The following SLIT2 variants were observed in gnomAD, a reference collection of about 807,000 sequenced individuals.
The protein encoded by SLIT2 is slit guidance ligand 2.
In SLIT2, 41 loss-of-function variants were observed where a neutral mutation model predicts 185.7. The observed-to-expected ratio is 0.22, with a 90% CI of 0.17 to 0.29. The LOEUF is 0.29. Among genes scored for constraint, SLIT2 ranks in the 10% least tolerant of loss-of-function variants. SLIT2 has a pLI of 1.00. For missense variants in SLIT2, 1,571 were observed against 1,909.0 expected (o/e 0.82, Z 3.30); for synonymous variants, 693 against 680.2 (o/e 1.02, Z -0.29).
rs199668090 is a variant in SLIT2, at chr4:20,532,009, G to T, written c.1639G>T (p.Val547Leu). ...GCGTCTCAATAATAATGAATTTACC[G>T]TGTTGGAAGCCACAGGAATCTTTAA... ...ELRLNNNEFTVLEATGIFKKL... is the reference protein window; with the variant it reads ...ELRLNNNEFTLLEATGIFKKL... The change falls in exon 17 of 37, where the codon GTG becomes TTG. Residue 547 changes from valine to leucine, a missense_variant. Coordinates refer to ENST00000504154, the MANE Select transcript of SLIT2 (RefSeq NM_004787.4). 1 of 1,576,038 alleles carries T rather than the reference G, an allele frequency of 6.3e-7. No homozygotes were observed.
At chr4:20,349,505 A>G (rs1721696324) in intron 4 of SLIT2, among the ~76,000 whole-genome samples, 1 of 152,160 alleles carries the variant, frequency 6.6e-6, no homozygotes, top group South Asian at 2.1e-4. Flanking sequence ...TTATAAAGAT[A>G]TGATGCTATT....
chr4:20,310,261 A>G (rs903397249), intron 4 of SLIT2, among the ~76,000 whole-genome samples: 2 of 152,172 alleles, frequency 1.3e-5, no homozygotes, highest in Admixed American at 1.3e-4. Context: ...TGCCAACACT[A>G]GAGTTTATAT....
chr4:20,423,289 A>G (rs1728302949), intron 4 of SLIT2, among the ~76,000 whole-genome samples: 1 of 152,098 alleles, frequency 6.6e-6, no homozygotes, highest in Non-Finnish European at 1.5e-5. Context: ...GAGACTTAGG[A>G]CAATGGAAAG....
intron 34 of SLIT2, 54 bp from the exon 35 acceptor site, chr4:20,616,856 A>G (rs1729693867): frequency 6.6e-6 from 10 of 1,523,198 alleles, no homozygotes; most frequent in Non-Finnish European, 8.9e-6. Flanking sequence ...CTGAGTAGCA[A>G]ATGGCTCAGA....
chr4:20,476,676 A>G (rs1716142789), intron 5 of SLIT2, among the ~76,000 whole-genome samples: 1 of 152,154 alleles, frequency 6.6e-6, no homozygotes, highest in African/African-American at 2.4e-5. Flanking sequence ...TGAATTTGCT[A>G]TGGGTAGGAA....
intron 4 of SLIT2, among the ~76,000 whole-genome samples, chr4:20,351,849 G>T (rs1721907069): frequency 6.6e-6 from 1 of 152,168 alleles, no homozygotes; most frequent in Admixed American, 6.5e-5. Flanking sequence ...TGTCAGCAGA[G>T]GTCTATAAAT....
chr4:20,365,812 C>T (rs143690419), intron 4 of SLIT2, among the ~76,000 whole-genome samples: 15 of 152,246 alleles, frequency 9.9e-5, no homozygotes, highest in African/African-American at 3.4e-4. Flanking sequence ...GGAGGCTGTC[C>T]ACTTTCTCCA....
intron 4 of SLIT2, among the ~76,000 whole-genome samples, chr4:20,269,932 A>G (rs1288537345): frequency 1.3e-5 from 2 of 151,864 alleles, no homozygotes; most frequent in African/African-American, 2.4e-5. Context: ...ATAGGGAGAT[A>G]TTCCCCAGCT....
intron 4 of SLIT2, among the ~76,000 whole-genome samples, chr4:20,272,832 T>C (rs1435408542): frequency 6.8e-6 from 1 of 147,794 alleles, no homozygotes; most frequent in Non-Finnish European, 1.5e-5. Flanking sequence ...GAATGAAAAC[T>C]TTTTACTTCT....
At chr4:20,501,839 G>A (rs1323514252) in intron 9 of SLIT2, among the ~76,000 whole-genome samples, 1 of 152,048 alleles carries the variant, frequency 6.6e-6, no homozygotes, top group Non-Finnish European at 1.5e-5. Context: ...AAGAATAATT[G>A]AAGAGAAAGA....
intron 4 of SLIT2, among the ~76,000 whole-genome samples, chr4:20,459,325 A>G (rs1713439313): frequency 6.6e-6 from 1 of 152,204 alleles, no homozygotes; most frequent in Non-Finnish European, 1.5e-5. Context: ...ATAAAAACAT[A>G]CCCTGAAAGA....
chr4:20,282,648 G>GT (rs1343969901), intron 4 of SLIT2, among the ~76,000 whole-genome samples: 1 of 152,198 alleles, frequency 6.6e-6, no homozygotes, highest in African/African-American at 2.4e-5. Flanking sequence ...GGTGGCTACA[G>GT]TGTACACTTG....
chr4:20,304,691 A>G (rs66908985), intron 4 of SLIT2, among the ~76,000 whole-genome samples: 14,682 of 152,044 alleles, frequency 0.097, 869 homozygotes, highest in African/African-American at 0.17. Context: ...GAAAATGGAG[A>G]TGCAGAGCTT....
chr4:20,426,439 C>A lies in SLIT2; in HGVS notation c.396-41313C>A, dbSNP rs187069330. ...AGGTGGTAGGGGAAAAACAGTTTTG[C>A]AAAATAGTCATATTTCACTAGATTT... On this transcript the variant is annotated intron_variant, in intron 4 of 36. Coordinates refer to ENST00000504154, the MANE Select transcript of SLIT2 (RefSeq NM_004787.4). Among the ~76,000 whole-genome samples the A allele has an allele frequency of 4.0e-3, 606 of 152,198 alleles. 4 individuals are homozygous for A. Among genetic ancestry groups the A allele is most frequent in the African/African-American group, 0.014 (581 of 41,516 alleles).
At chr4:20,470,191 T>C (rs1714831038) in intron 5 of SLIT2, among the ~76,000 whole-genome samples, 1 of 152,158 alleles carries the variant, frequency 6.6e-6, no homozygotes, top group African/African-American at 2.4e-5. Context: ...ATTTGACTAA[T>C]CAAATGCTAA....
intron 4 of SLIT2, among the ~76,000 whole-genome samples, chr4:20,293,661 G>A (rs1716187044): frequency 6.6e-6 from 1 of 152,178 alleles, no homozygotes; most frequent in Non-Finnish European, 1.5e-5. Flanking sequence ...ACTATTTGAA[G>A]AACTAGAGGC....
At chr4:20,573,196 A>G (rs1212267409) in intron 29 of SLIT2, 3 of 702,786 alleles carry the variant, frequency 4.3e-6, no homozygotes, top group East Asian at 2.7e-5. Flanking sequence ...ATTGCAATGT[A>G]AAAAGTCTTT....
chr4:20,511,313 C>T (rs1245838866), intron 11 of SLIT2, among the ~76,000 whole-genome samples, 176 bp downstream of exon 11: 1 of 151,862 alleles, frequency 6.6e-6, no homozygotes, highest in African/African-American at 2.4e-5. Context: ...AGGACTGCTA[C>T]CCATCACTAA....
intron 7 of SLIT2, among the ~76,000 whole-genome samples, chr4:20,487,442 A>T (rs1252527670): frequency 6.6e-6 from 1 of 152,210 alleles, no homozygotes; most frequent in African/African-American, 2.4e-5. Flanking sequence ...AAAAACATTC[A>T]TCTGAATTTT....
Sources: gnomAD v4.1 joint callset for allele counts (sites outside exome capture counted in the v4.1 genomes callset) on GRCh38, gnomAD v4.1.1 for gene constraint, MANE v1.5 for transcripts, NCBI Gene and HGNC (gene_info 2026-07-23, HGNC 2026-07-21) for gene names.